Variants in FSHR observed in about 807,000 individuals in gnomAD.
FSHR encodes follicle stimulating hormone receptor, also known as follicle-stimulating hormone receptor.
In FSHR, 46 loss-of-function variants were observed where a neutral mutation model predicts 52.1. That is an observed-to-expected ratio of 0.88 (90% CI 0.70 to 1.13). The LOEUF (loss-of-function observed/expected upper bound fraction) is 1.13, where lower values mean the gene tolerates loss of function less well. FSHR is among the 50% of genes most tolerant of loss of function. FSHR has a pLI of 0.00. For synonymous variants in FSHR, 399 were observed against 309.6 expected, an observed-to-expected ratio of 1.29 and a Z score of -3.03; for missense variants, 964 against 834.6, an observed-to-expected ratio of 1.16 and a Z score of -1.91.
At chr2:49,066,529 AT>A (rs1410028931) in intron 2 of FSHR, among the ~76,000 whole-genome samples, 4 of 152,092 alleles carry the variant, frequency 2.6e-5, no homozygotes, top group Non-Finnish European at 4.4e-5. Context: ...GCCTTATGGT[AT>A]AAAAAGGGTA....
chr2:49,150,229 G>A (rs149341898), intron 1 of FSHR, among the ~76,000 whole-genome samples: 120 of 152,082 alleles, frequency 7.9e-4, no homozygotes, highest in Middle Eastern at 3.4e-3. Context: ...TATGGACAGC[G>A]TTAAGGGACA....
At chr2:49,041,308 A>C (rs1270846054) in intron 2 of FSHR, among the ~76,000 whole-genome samples, 1 of 152,160 alleles carries the variant, frequency 6.6e-6, no homozygotes, top group African/African-American at 2.4e-5. Context: ...TCAGTGTAAA[A>C]TGTTTACATG....
chr2:49,077,576 C>A lies in FSHR; in HGVS notation c.153-9286G>T, dbSNP rs143327803. Among the ~76,000 whole-genome samples, 313 of 152,288 alleles carry A rather than the reference C, an allele frequency of 2.1e-3. 1 individual carries two copies. The highest frequency in any genetic ancestry group is 6.8e-3 in the Middle Eastern group (2 of 294). On this transcript the variant is annotated intron_variant, in intron 1 of 9. Transcript: ENST00000406846. ...TGTTACTTACGCAAATTTACGCAGCCAGCTTGACTATTTCCTCAGAAATTG... is the reference window on the plus strand; with the variant it reads ...TGTTACTTACGCAAATTTACGCAGCAAGCTTGACTATTTCCTCAGAAATTG...
chr2:48,979,381 C>G (rs368958642), intron 8 of FSHR, among the ~76,000 whole-genome samples: 8 of 152,044 alleles, frequency 5.3e-5, no homozygotes, highest in African/African-American at 1.9e-4. Context: ...TTTAACGCTG[C>G]TGTCAGCTAT....
chr2:49,147,622 T>C (rs2103853815), intron 1 of FSHR, among the ~76,000 whole-genome samples: 1 of 152,164 alleles, frequency 6.6e-6, no homozygotes, highest in East Asian at 1.9e-4. Context: ...TCTTAGCCAA[T>C]TCTCAGGATA....
intron 9 of FSHR, 127 bp from the exon 10 acceptor site, chr2:48,964,093 T>A: frequency 1.2e-6 from 1 of 819,656 alleles, no homozygotes; most frequent in Non-Finnish European, 1.9e-6. Flanking sequence ...TCTCACATCA[T>A]ACCTGCCCTT....
At chr2:49,100,534 G>T (rs1670988069) in intron 1 of FSHR, among the ~76,000 whole-genome samples, 4 of 152,164 alleles carry the variant, frequency 2.6e-5, no homozygotes, top group Admixed American at 1.3e-4. Context: ...GAAAGTCTTT[G>T]TGTTTCTCCC....
intron 2 of FSHR, among the ~76,000 whole-genome samples, chr2:49,028,136 A>G (rs1667973458): frequency 6.6e-6 from 1 of 152,180 alleles, no homozygotes; most frequent in Non-Finnish European, 1.5e-5. Flanking sequence ...GTAGCCTTTG[A>G]CATACAAGGG....
intron 1 of FSHR, among the ~76,000 whole-genome samples, chr2:49,101,006 A>C (rs1248971345): frequency 1.3e-5 from 2 of 152,186 alleles, no homozygotes; most frequent in South Asian, 4.1e-4. Context: ...CAAGTGCATC[A>C]AAGAGATGTA....
intron 2 of FSHR, among the ~76,000 whole-genome samples, chr2:49,030,195 C>T (rs1572655409): frequency 6.6e-6 from 1 of 151,120 alleles, no homozygotes; most frequent in Admixed American, 6.6e-5. Flanking sequence ...TCCATTGATA[C>T]CCCCTACAAG....
intron 1 of FSHR, among the ~76,000 whole-genome samples, chr2:49,147,813 A>T (rs1369442115): frequency 6.6e-6 from 1 of 151,672 alleles, no homozygotes; most frequent in African/African-American, 2.4e-5. Flanking sequence ...TAGACATATC[A>T]TTTCTCACAA....
At position 48,962,679 on chromosome 2, in the gene FSHR, C is replaced by T; in HGVS notation, c.*54G>A. On this transcript the variant is annotated 3_prime_UTR_variant, in exon 10 of 10. Coordinates refer to ENST00000406846, the MANE Select transcript of FSHR (RefSeq NM_000145.4). ...TGTCAGCTCTTTGTGACATACCCTT[C>T]AAAGGCAAGACTGAATTATCATTCA... is the stretch of plus-strand genomic sequence containing the variant. 1 of 1,567,924 alleles carries T rather than the reference C, an allele frequency of 6.4e-7. No homozygotes were observed. Among genetic ancestry groups the T allele is most frequent in the Middle Eastern group, 1.7e-4 (1 of 5,820 alleles).
chr2:49,017,952 T>C (rs1354978192), intron 3 of FSHR, among the ~76,000 whole-genome samples: 2 of 151,556 alleles, frequency 1.3e-5, no homozygotes, highest in African/African-American at 2.4e-5. Context: ...GCGAAATGAG[T>C]GTTTGTCTGG....
chr2:49,097,339 C>T (rs911692254), intron 1 of FSHR, among the ~76,000 whole-genome samples: 1 of 152,168 alleles, frequency 6.6e-6, no homozygotes, highest in Admixed American at 6.5e-5. Context: ...TCTAGTGATA[C>T]ATCTTCAAGT....
rs377596075 is a variant in FSHR, at chr2:48,963,676, A to G, written c.1145T>C (p.Ile382Thr). ...ISILAITGNI[I>T]VLVILTTSQY... ...GCTGGTAGTTAGGATCACTAGCACT[A>G]TGATGTTCCCAGTGATGGCCAGGAT... Residue 382 changes from isoleucine (I) to threonine (T), a missense_variant, in exon 10 of 10, where the codon ATA (isoleucine) becomes ACA (threonine). Physicochemically the swap from Ile to Thr is moderately conservative, Grantham distance 89 (BLOSUM62 -1). Coordinates refer to ENST00000406846, the MANE Select transcript of FSHR (RefSeq NM_000145.4). The G allele has an allele frequency of 5.0e-6, 8 of 1,614,030 alleles. No homozygotes were observed. The African/African-American group carries it at 5.3e-5, about 11-fold the overall frequency.
At chr2:48,987,083 G>A (rs1675547306) in intron 6 of FSHR, among the ~76,000 whole-genome samples, 1 of 152,066 alleles carries the variant, frequency 6.6e-6, no homozygotes, top group Non-Finnish European at 1.5e-5. Flanking sequence ...ATCTCCCTCT[G>A]TGAAGTAACC....
At chr2:49,072,037 C>A (rs932161439) in intron 1 of FSHR, among the ~76,000 whole-genome samples, 1 of 151,994 alleles carries the variant, frequency 6.6e-6, no homozygotes, top group Admixed American at 6.6e-5. Flanking sequence ...GAAACCCCAC[C>A]AAGTCAATAA....
intron 2 of FSHR, among the ~76,000 whole-genome samples, chr2:49,027,051 C>T (rs1667932903): frequency 6.6e-6 from 1 of 152,230 alleles, no homozygotes; most frequent in Admixed American, 6.5e-5. Flanking sequence ...CCTCCCTAGT[C>T]ACGACCCCTG....
intron 1 of FSHR, among the ~76,000 whole-genome samples, chr2:49,098,081 T>A (rs969800404): frequency 7.2e-5 from 11 of 152,150 alleles, no homozygotes; most frequent in African/African-American, 2.7e-4. Context: ...AAAATAAAGA[T>A]TATCCCAAAT....
Sources: allele counts gnomAD v4.1 joint callset (sites outside exome capture counted in the v4.1 genomes callset), GRCh38; gene constraint gnomAD v4.1.1; transcripts MANE v1.5; gene names NCBI Gene and HGNC (gene_info 2026-07-23, HGNC 2026-07-21).